The following JARID2 variants were observed in gnomAD, a reference collection of about 807,000 sequenced individuals.
JARID2 encodes jumonji and AT-rich interaction domain containing 2.
JARID2 carries 21 observed loss-of-function variants against 125.6 expected under a neutral mutation model. The ratio of observed to expected loss-of-function variants is 0.17; its 90% CI spans 0.12 to 0.24. The LOEUF (loss-of-function observed/expected upper bound fraction) is 0.24, where lower values mean the gene tolerates loss of function less well. JARID2 is among the 10% of genes least tolerant of loss of function. The pLI, the probability that JARID2 is intolerant of heterozygous loss-of-function variation, is 1.00. For synonymous variants in JARID2, 736 were observed against 661.6 expected (o/e 1.11, Z -1.73); for missense variants, 1,303 against 1,639.6 (o/e 0.79, Z 3.55).
chr6:15,512,887 C>T (rs1055204500), intron 14 of JARID2, 28 bp from the exon 15 acceptor site: 2 of 1,611,850 alleles, frequency 1.2e-6, no homozygotes, highest in Admixed American at 1.7e-5. Context: ...TGAAAATCCA[C>T]CCTAAAGGGA....
chr6:15,444,735 A>ATTTTT (rs5874512), intron 3 of JARID2, among the ~76,000 whole-genome samples: 6 of 91,924 alleles, frequency 6.5e-5, no homozygotes, highest in African/African-American at 2.7e-4. Context: ...GAACTGTCTG[A>ATTTTT]TTTTTTTTTT....
intron 2 of JARID2, among the ~76,000 whole-genome samples, chr6:15,402,603 T>C (rs1765482008): frequency 6.6e-6 from 1 of 152,212 alleles, no homozygotes; most frequent in Non-Finnish European, 1.5e-5. Context: ...TTCATGTGAC[T>C]GAGTTCCCTT....
intron 3 of JARID2, among the ~76,000 whole-genome samples, chr6:15,450,524 C>T (rs531666325): frequency 1.4e-4 from 22 of 152,262 alleles, no homozygotes; most frequent in South Asian, 1.2e-3. Context: ...ATCCATCCTA[C>T]GTAGTGTTTG....
At chr6:15,372,964 C>A (rs1042500792) in intron 1 of JARID2, among the ~76,000 whole-genome samples, 4 of 152,160 alleles carry the variant, frequency 2.6e-5, no homozygotes, top group African/African-American at 9.7e-5. Flanking sequence ...ATCTTGGCCC[C>A]CAAAAGTGCT....
intron 4 of JARID2, among the ~76,000 whole-genome samples, chr6:15,458,599 A>G (rs748043375): frequency 5.9e-5 from 9 of 152,196 alleles, no homozygotes; most frequent in Non-Finnish European, 1.3e-4. Context: ...CACCTAGAAA[A>G]CAGATTAGAC....
intron 1 of JARID2, among the ~76,000 whole-genome samples, chr6:15,337,911 A>G (rs761777182): frequency 6.6e-6 from 1 of 152,140 alleles, no homozygotes; most frequent in South Asian, 2.1e-4. Context: ...GAGGCCCTAG[A>G]AAGAAAAACC....
chr6:15,317,916 C>G (rs1446496013), intron 1 of JARID2, among the ~76,000 whole-genome samples: 6 of 152,230 alleles, frequency 3.9e-5, no homozygotes, highest in African/African-American at 1.4e-4. Context: ...GTGTTTGTTG[C>G]TGGCCAGCAG....
At chr6:15,311,348 C>T (rs1416344702) in intron 1 of JARID2, among the ~76,000 whole-genome samples, 5 of 152,160 alleles carry the variant, frequency 3.3e-5, no homozygotes, top group African/African-American at 9.7e-5. Flanking sequence ...GAGGCCAAGG[C>T]GGGCTGATTA....
intron 1 of JARID2, among the ~76,000 whole-genome samples, chr6:15,356,781 G>A (rs529123977): frequency 1.1e-4 from 17 of 152,250 alleles, no homozygotes; most frequent in South Asian, 4.2e-4. Context: ...CTGGGAGGCC[G>A]AGGCAGGCGG....
At chr6:15,386,487 T>G (rs913793942) in intron 2 of JARID2, among the ~76,000 whole-genome samples, 1 of 150,294 alleles carries the variant, frequency 6.7e-6, no homozygotes, top group Non-Finnish European at 1.5e-5. Flanking sequence ...ACAGTTGACA[T>G]GTTTGTTTGT....
rs149104270 is a variant in JARID2 at position 15,488,814 on chromosome 6, C to T, written c.906+1272C>T. Among the ~76,000 whole-genome samples, 25 of 152,294 alleles carry T rather than the reference C, an allele frequency of 1.6e-4. No homozygotes were observed. The East Asian group carries it at 3.7e-3, about 22-fold the overall frequency. On this transcript the variant is annotated intron_variant, in intron 6 of 17. Transcript: ENST00000341776. ...TTCCACAGTCCACACACACCTAGCA[C>T]ATATTAAACACTGGCCACTGTTGGC...
chr6:15,281,585 C>T (rs1561766780), intron 1 of JARID2, among the ~76,000 whole-genome samples: 1 of 152,190 alleles, frequency 6.6e-6, no homozygotes, highest in African/African-American at 2.4e-5. Context: ...GTGGGGGGCC[C>T]CCCACTTCAC....
chr6:15,401,920 T>A (rs867565862), intron 2 of JARID2, among the ~76,000 whole-genome samples: 16 of 105,150 alleles, frequency 1.5e-4, no homozygotes, highest in African/African-American at 5.4e-4. Flanking sequence ...TTTTTTTTTT[T>A]ACTTTGAATG....
intron 3 of JARID2, among the ~76,000 whole-genome samples, chr6:15,444,044 G>A (rs1364054936): frequency 1.3e-5 from 2 of 152,104 alleles, no homozygotes; most frequent in African/African-American, 2.4e-5. Context: ...AATATCCTGC[G>A]GTTTTTTGCA....
chr6:15,486,979 G>A (rs1769901514), intron 5 of JARID2, among the ~76,000 whole-genome samples: 2 of 152,094 alleles, frequency 1.3e-5, no homozygotes. Flanking sequence ...GGTCCGCATG[G>A]CTGGGGAGGC....
At chr6:15,399,193 A>G (rs1165800499) in intron 2 of JARID2, among the ~76,000 whole-genome samples, 1 of 152,188 alleles carries the variant, frequency 6.6e-6, no homozygotes, top group East Asian at 1.9e-4. Flanking sequence ...CCTGGCAGCC[A>G]TTGGAGAGCA....
chr6:15,440,591 G>T (rs1199829857), intron 3 of JARID2, among the ~76,000 whole-genome samples: 2 of 152,164 alleles, frequency 1.3e-5, no homozygotes, highest in Non-Finnish European at 2.9e-5. Context: ...TGCTCACCTT[G>T]CCCTGTTGCC....
At chr6:15,310,781 G>A (rs1268964718) in intron 1 of JARID2, among the ~76,000 whole-genome samples, 6 of 152,192 alleles carry the variant, frequency 3.9e-5, no homozygotes, top group Non-Finnish European at 7.3e-5. Flanking sequence ...CAAGATTATA[G>A]TCTTAAAATA....
At chr6:15,449,171 G>A (rs529296950) in intron 3 of JARID2, among the ~76,000 whole-genome samples, 53 of 152,164 alleles carry the variant, frequency 3.5e-4, no homozygotes, top group South Asian at 2.7e-3. Context: ...ATAGAGGCAG[G>A]CAGTTGGTTG....
Sources: allele counts gnomAD v4.1 joint callset (sites outside exome capture counted in the v4.1 genomes callset), GRCh38; gene constraint gnomAD v4.1.1; transcripts MANE v1.5; gene names NCBI Gene and HGNC (gene_info 2026-07-23, HGNC 2026-07-21).